WDTC1: variants seen among roughly 807,000 people sequenced by gnomAD.
The protein encoded by WDTC1 is WD and tetratricopeptide repeats 1, also known as WD and tetratricopeptide repeats protein 1.
A neutral mutation model predicts 76.0 loss-of-function variants in WDTC1; 12 were observed. The observed-to-expected ratio is 0.16, with a 90% CI of 0.10 to 0.26. WDTC1 has a LOEUF of 0.26. WDTC1 is among the 10% of genes least tolerant of loss of function. WDTC1 has a pLI of 1.00. For missense variants in WDTC1, 511 were observed against 908.8 expected (o/e 0.56, Z 5.63); for synonymous variants, 326 against 350.8 (o/e 0.93, Z 0.79).
At chr1:27,283,670 T>C (rs2013256089) in intron 5 of WDTC1, among the ~76,000 whole-genome samples, 1 of 152,174 alleles carries the variant, frequency 6.6e-6, no homozygotes, top group Non-Finnish European at 1.5e-5. Context: ...GATGAATTTA[T>C]CTTTATGTGA....
chr1:27,280,885 A>C (rs1570968213), intron 3 of WDTC1, among the ~76,000 whole-genome samples: 1 of 152,226 alleles, frequency 6.6e-6, no homozygotes, highest in East Asian at 1.9e-4. Context: ...AGATCCTTTA[A>C]GCCTCTTCCT....
intron 3 of WDTC1, among the ~76,000 whole-genome samples, chr1:27,271,644 T>C (rs1187892207): frequency 6.6e-6 from 1 of 151,620 alleles, no homozygotes; most frequent in East Asian, 2.0e-4. Flanking sequence ...TTTAATTTAA[T>C]TTATTTTATT....
chr1:27,235,018 G>T (rs1237065437), intron 1 of WDTC1, 67 bp downstream of exon 1: 1 of 371,344 alleles, frequency 2.7e-6, no homozygotes, highest in Non-Finnish European at 4.8e-6. Flanking sequence ...CGCAGCCCCG[G>T]TGAACGGGCC....
intron 1 of WDTC1, among the ~76,000 whole-genome samples, chr1:27,259,100 A>G (rs1222711347): frequency 6.6e-6 from 1 of 152,250 alleles, no homozygotes; most frequent in Non-Finnish European, 1.5e-5. Flanking sequence ...ATTAAAAAGT[A>G]GAAAAAGTCA....
chr1:27,280,121 T>C (rs1303192175), intron 3 of WDTC1, among the ~76,000 whole-genome samples: 1 of 152,230 alleles, frequency 6.6e-6, no homozygotes, highest in Non-Finnish European at 1.5e-5. Flanking sequence ...TTGTATTTTA[T>C]GGACAACTTA....
At chr1:27,251,925 G>A (rs2012078886) in intron 1 of WDTC1, among the ~76,000 whole-genome samples, 1 of 152,058 alleles carries the variant, frequency 6.6e-6, no homozygotes, top group Admixed American at 6.6e-5. Context: ...GGGGGCATCT[G>A]TAATCCCAGC....
chr1:27,263,220 G>A lies in WDTC1; in HGVS notation c.117G>A (p.Leu39=), dbSNP rs372258649. The change falls in exon 3 of 16, where the codon CTG becomes CTA. Residue 39 remains leucine (L), a synonymous_variant. Coordinates refer to ENST00000319394, the MANE Select transcript of WDTC1 (RefSeq NM_001276252.2). Reference sequence around the variant, plus strand: ...ACCCCTTTATCCGGCGGCTGGGCCTGGAAGCAGAGCTGCAGGTAAGAGATC... The same window carrying A: ...ACCCCTTTATCCGGCGGCTGGGCCTAGAAGCAGAGCTGCAGGTAAGAGATC... The part of the protein sequence containing the change: ...VTDPFIRRLG[L]EAELQGHSGC... The A allele has an allele frequency of 3.1e-6, 5 of 1,613,196 alleles. No homozygotes were observed. The African/African-American group carries it at 5.3e-5, about 17-fold the overall frequency.
At position 27,303,517 on chromosome 1, in the gene WDTC1, CTA is replaced by C. The variant is rs1317279662; in HGVS notation, c.1469-102_1469-101del. On this transcript the variant is annotated intron_variant, in intron 13 of 15. Coordinates refer to ENST00000319394, the MANE Select transcript of WDTC1 (RefSeq NM_001276252.2). This position sits in a 1 kb window ranked among gnomAD's most constrained non-coding sequence, Gnocchi z 4.8. ...AGGATAAGGGTGGAGGCAGGTAGCT[CTA>C]TGTTGTCAGACTTTGGACTGAAAAC... The C allele has an allele frequency of 1.4e-6, 2 of 1,405,420 alleles. No individual in the cohort carries two copies. The highest frequency in any genetic ancestry group is 3.0e-5 in the African/African-American group (2 of 67,624). The allele number at this position is 1,405,420 out of a possible 1,614,324, so 87.1% of individuals were successfully genotyped here.
chr1:27,265,132 C>T (rs897197250), intron 3 of WDTC1, among the ~76,000 whole-genome samples: 4 of 152,100 alleles, frequency 2.6e-5, no homozygotes, highest in South Asian at 4.1e-4. Flanking sequence ...GAAATTAGTA[C>T]TTGTTGAGTT....
rs2011743768 is a variant in WDTC1, at chr1:27,244,478, A to G, written c.-100+9527A>G. On this transcript the variant is annotated intron_variant, in intron 1 of 15. Coordinates refer to ENST00000319394, the MANE Select transcript of WDTC1 (RefSeq NM_001276252.2). ...TGCCTCAGCCTTCCTAGTAGCTAGG[A>G]CTACAGGAGTGTGCCACCATGCCTG... Among the ~76,000 whole-genome samples, 5 of 152,206 alleles carry G rather than the reference A, an allele frequency of 3.3e-5. No individual in the cohort carries two copies. In the South Asian group the frequency reaches 1.0e-3, roughly 32 times the overall value.
upstream of WDTC1, chr1:27,234,521 G>C (rs2011443553): frequency 2.7e-6 from 1 of 364,642 alleles, no homozygotes; most frequent in Admixed American, 4.7e-5. Context: ...GGGGTAAGTG[G>C]GGGGGCCCGG....
At chr1:27,238,896 CAG>C (rs2011550650) in intron 1 of WDTC1, among the ~76,000 whole-genome samples, 1 of 150,332 alleles carries the variant, frequency 6.7e-6, no homozygotes, top group African/African-American at 2.4e-5. Context: ...TTATTAGAGA[CAG>C]GGTTTTGCCA....
In WDTC1 at chr1:27,306,373, G is replaced by A. The variant is rs756128356; in HGVS notation, c.2024G>A (p.Arg675Gln). The change falls in exon 16 of 16, where the codon CGG (arginine) becomes CAG (glutamine). Residue 675 changes from arginine to glutamine, a missense_variant. Arg to Gln is a conservative substitution (Grantham distance 43). Transcript: ENST00000319394. The surrounding 1 kb of genome is among the most constrained non-coding windows in gnomAD (Gnocchi z 5.0). Reference protein sequence around the residue: ...EDSSEGQVQCRPS With the variant: ...EDSSEGQVQCQPS ...AGCTCTGAGGGCCAGGTGCAGTGCC[G>A]GCCCAGCTAGACCCTCCAGCCCTGG... 9.3e-6 allele frequency: 15 copies of A among 1,611,742 alleles called. No homozygotes were observed. The highest frequency in any genetic ancestry group is 5.3e-5 in the African/African-American group (4 of 74,886).
At chr1:27,249,956 C>T (rs1011219392) in intron 1 of WDTC1, among the ~76,000 whole-genome samples, 1 of 152,094 alleles carries the variant, frequency 6.6e-6, no homozygotes, top group African/African-American at 2.4e-5. Flanking sequence ...TCTGATCTTG[C>T]GTTTCAAACC....
chr1:27,271,628 T>A (rs527643100), intron 3 of WDTC1, among the ~76,000 whole-genome samples: 28 of 151,840 alleles, frequency 1.8e-4, no homozygotes, highest in East Asian at 1.6e-3. Context: ...TTTTATTTTA[T>A]TTTAATTTAA....
At chr1:27,238,679 C>T (rs563954711) in intron 1 of WDTC1, among the ~76,000 whole-genome samples, 3 of 152,080 alleles carry the variant, frequency 2.0e-5, no homozygotes, top group Non-Finnish European at 4.4e-5. Context: ...GATTCTCATG[C>T]CTCAGCCTCC....
At chr1:27,245,243 A>G (rs2011787611) in intron 1 of WDTC1, among the ~76,000 whole-genome samples, 1 of 151,846 alleles carries the variant, frequency 6.6e-6, no homozygotes, top group Admixed American at 6.6e-5. Flanking sequence ...GGATTGTTGC[A>G]AAGTTCAAAT....
Position 27,294,545 on chromosome 1 carries a change from C to G in WDTC1, c.789C>G (p.Asn263Lys). 2 of 1,614,220 alleles carry G rather than the reference C, an allele frequency of 1.2e-6. No individual in the cohort carries two copies. The highest frequency in any genetic ancestry group is 1.7e-6 in the Non-Finnish European group (2 of 1,180,032). Residue 263 changes from asparagine to lysine, a missense_variant, in exon 9 of 16, where the codon AAC (asparagine) becomes AAG (lysine). By Grantham distance (94) the Asn-to-Lys change is moderately conservative. Coordinates refer to ENST00000319394, the MANE Select transcript of WDTC1 (RefSeq NM_001276252.2). Reference sequence around the variant, plus strand: ...TGCCAGTGAAGCTTCCTGACTACAACAACCGTTTGAGAGTGCTGGTTGCCA... The same window carrying G: ...TGCCAGTGAAGCTTCCTGACTACAAGAACCGTTTGAGAGTGCTGGTTGCCA... ...GHLPVKLPDYNNRLRVLVATY... is the reference protein window; with the variant it reads ...GHLPVKLPDYKNRLRVLVATY...
chr1:27,289,287 G>A (rs1461888287), intron 6 of WDTC1, among the ~76,000 whole-genome samples: 3 of 149,366 alleles, frequency 2.0e-5, no homozygotes, highest in Admixed American at 6.6e-5. Context: ...CGGGCAGAGG[G>A]GCTCCTCAGT....
Sources: gnomAD v4.1 joint callset for allele counts (sites outside exome capture counted in the v4.1 genomes callset) on GRCh38, gnomAD v4.1.1 for gene constraint, Gnocchi (gnomAD v3.1) non-coding constraint, MANE v1.5 for transcripts, NCBI Gene and HGNC (gene_info 2026-07-23, HGNC 2026-07-21) for gene names.